PITPNC1: variants seen among roughly 807,000 people sequenced by gnomAD.
PITPNC1 encodes phosphatidylinositol transfer protein cytoplasmic 1, also known as cytoplasmic phosphatidylinositol transfer protein 1.
Under a neutral mutation model 44.7 loss-of-function variants are expected in PITPNC1, and 18 were observed. That is an observed-to-expected ratio of 0.40 (90% CI 0.28 to 0.60). PITPNC1 has a LOEUF of 0.60. Ranked by LOEUF, PITPNC1 falls within the 20% of genes least tolerant of loss-of-function variation. The probability of loss-of-function intolerance (pLI) is 0.39; values close to 1 mark genes in which losing one functional copy is unlikely to be tolerated. For synonymous variants in PITPNC1, 141 were observed against 149.6 expected, an observed-to-expected ratio of 0.94 and a Z score of 0.42; for missense variants, 290 against 418.4, an observed-to-expected ratio of 0.69 and a Z score of 2.68.
At chr17:67,543,336 T>C (rs972882423) in intron 2 of PITPNC1, among the ~76,000 whole-genome samples, 3 of 152,162 alleles carry the variant, frequency 2.0e-5, no homozygotes, top group African/African-American at 7.2e-5. Flanking sequence ...AAGTGTCCCA[T>C]TGGGTTCCCA....
In PITPNC1 at chr17:67,695,855, G is replaced by A. The variant is rs2043002685; in HGVS notation, c.*2967G>A. The A allele has an allele frequency of 6.6e-6, 1 of 152,064 alleles. No homozygotes were observed. The highest frequency in any genetic ancestry group is 2.4e-5 in the African/African-American group (1 of 41,414). The allele number at this position is 152,064 out of a possible 1,614,324, so 9.4% of individuals were successfully genotyped here. ...GCCATAGCACGGCATTCTTGCTTTA[G>A]CTGTGCTTTCCTGGGATGAGAAGAT... On this transcript the variant is annotated 3_prime_UTR_variant, in exon 9 of 9. Transcript: ENST00000581322.
chr17:67,552,990 C>T (rs999304413), intron 3 of PITPNC1, among the ~76,000 whole-genome samples: 2 of 152,262 alleles, frequency 1.3e-5, no homozygotes, highest in African/African-American at 4.8e-5. Flanking sequence ...CAAATTTTGA[C>T]TATACTTTGT....
chr17:67,474,389 A>G (rs1199855214), intron 1 of PITPNC1, among the ~76,000 whole-genome samples: 1 of 152,200 alleles, frequency 6.6e-6, no homozygotes, highest in Non-Finnish European at 1.5e-5. Context: ...CCTGGCCTCT[A>G]GAGTAACGTT....
intron 1 of PITPNC1, among the ~76,000 whole-genome samples, chr17:67,407,481 C>T (rs538604768): frequency 5.9e-5 from 9 of 151,952 alleles, no homozygotes; most frequent in Non-Finnish European, 1.2e-4. Context: ...TCATAGTGAC[C>T]TTTAAAACAC....
intron 6 of PITPNC1, among the ~76,000 whole-genome samples, chr17:67,667,253 G>T (rs964594430): frequency 6.6e-6 from 1 of 152,072 alleles, no homozygotes; most frequent in Non-Finnish European, 1.5e-5. Context: ...AACTGGCTGG[G>T]CCCGGTGACC....
intron 5 of PITPNC1, among the ~76,000 whole-genome samples, chr17:67,599,317 G>T (rs1369958814): frequency 6.6e-6 from 1 of 151,752 alleles, no homozygotes; most frequent in African/African-American, 2.4e-5. Context: ...TAGGGAATTT[G>T]GTATATAAAT....
chr17:67,571,303 A>G (rs1428343126), intron 4 of PITPNC1, among the ~76,000 whole-genome samples: 1 of 152,156 alleles, frequency 6.6e-6, no homozygotes, highest in Non-Finnish European at 1.5e-5. Context: ...GTGGTGGTGC[A>G]TGCCTGTGAT....
At chr17:67,579,499 C>T (rs2041197055) in intron 5 of PITPNC1, among the ~76,000 whole-genome samples, 1 of 152,110 alleles carries the variant, frequency 6.6e-6, no homozygotes, top group African/African-American at 2.4e-5. Flanking sequence ...ATGTTTAGGG[C>T]CATTTTCCTG....
At chr17:67,583,750 A>G (rs2144242196) in intron 5 of PITPNC1, among the ~76,000 whole-genome samples, 1 of 99,750 alleles carries the variant, frequency 1.0e-5, no homozygotes. Context: ...GCTGGAGTGC[A>G]GTGGCGCGAT....
At chr17:67,643,907 C>T (rs1216469609) in intron 6 of PITPNC1, among the ~76,000 whole-genome samples, 1 of 152,190 alleles carries the variant, frequency 6.6e-6, no homozygotes, top group East Asian at 1.9e-4. Context: ...AAAGTGGCCA[C>T]CGTGAGTGGC....
chr17:67,424,388 G>A (rs1407141231), intron 1 of PITPNC1, among the ~76,000 whole-genome samples: 2 of 152,116 alleles, frequency 1.3e-5, no homozygotes, highest in Non-Finnish European at 2.9e-5. Flanking sequence ...TGGGCGCAGT[G>A]GCTCACTCCT....
chr17:67,589,261 G>A (rs898839337), intron 5 of PITPNC1, among the ~76,000 whole-genome samples: 1 of 152,326 alleles, frequency 6.6e-6, no homozygotes, highest in South Asian at 2.1e-4. Flanking sequence ...CACAAGGGCT[G>A]GCTTTCTGAT....
intron 1 of PITPNC1, among the ~76,000 whole-genome samples, chr17:67,509,527 G>A: frequency 6.6e-6 from 1 of 150,794 alleles, no homozygotes; most frequent in Non-Finnish European, 1.5e-5. Context: ...ACAGAGTGAG[G>A]CTCCATCTCT....
intron 6 of PITPNC1, chr17:67,637,746 T>G (rs1385891724): frequency 6.6e-6 from 1 of 152,048 alleles, no homozygotes; most frequent in Non-Finnish European, 1.5e-5. Context: ...CTTTCCTTAT[T>G]CTCATTTTTG....
intron 1 of PITPNC1, chr17:67,379,359 C>CT: frequency 1.0e-6 from 1 of 985,480 alleles, no homozygotes; most frequent in South Asian, 4.7e-5. Flanking sequence ...CTCACAGGGG[C>CT]TGTCCGTATT....
At chr17:67,526,444 C>T (rs2144117372) in intron 1 of PITPNC1, among the ~76,000 whole-genome samples, 1 of 152,264 alleles carries the variant, frequency 6.6e-6, no homozygotes, top group South Asian at 2.1e-4. Flanking sequence ...GATTAAATGA[C>T]TTGGCTGGGT....
chr17:67,431,453 G>A (rs1044116135), intron 1 of PITPNC1, among the ~76,000 whole-genome samples: 5 of 152,090 alleles, frequency 3.3e-5, no homozygotes, highest in African/African-American at 1.2e-4. Flanking sequence ...TTCATGATGG[G>A]AACTCAGCTT....
chr17:67,382,876 T>C (rs978123643), intron 1 of PITPNC1, among the ~76,000 whole-genome samples: 1 of 150,556 alleles, frequency 6.6e-6, no homozygotes, highest in Admixed American at 6.6e-5. Context: ...TCCGCCCACT[T>C]TGGGCTCCCA....
chr17:67,411,257 A>C (rs900506202), intron 1 of PITPNC1, among the ~76,000 whole-genome samples: 2 of 152,038 alleles, frequency 1.3e-5, no homozygotes, highest in Non-Finnish European at 2.9e-5. Context: ...GTATCATGTG[A>C]AAGGGTTGAA....
Sources: allele counts gnomAD v4.1 joint callset (sites outside exome capture counted in the v4.1 genomes callset), GRCh38; gene constraint gnomAD v4.1.1; transcripts MANE v1.5; gene names NCBI Gene and HGNC (gene_info 2026-07-23, HGNC 2026-07-21).